The following LITAF variants were observed in gnomAD, a reference collection of about 807,000 sequenced individuals.
LITAF encodes the protein lipopolysaccharide-induced tumor necrosis factor-alpha factor.
LITAF carries 9 observed loss-of-function variants against 14.5 expected under a neutral mutation model. That is an observed-to-expected ratio of 0.62 (90% confidence interval 0.37 to 1.08). The LOEUF (loss-of-function observed/expected upper bound fraction) is 1.08, where lower values mean the gene tolerates loss of function less well. Among genes scored for constraint, LITAF ranks in the 50% least tolerant of loss-of-function variants. The pLI is 0.01. For missense variants in LITAF, 206 were observed against 213.4 expected (o/e 0.97, Z 0.22); for synonymous variants, 98 against 88.2 (o/e 1.11, Z -0.62).
chr16:11,610,768 A>G (rs992801053), intron 3 of LITAF, among the ~76,000 whole-genome samples: 2 of 152,174 alleles, frequency 1.3e-5, no homozygotes, highest in East Asian at 3.9e-4. Context: ...CATGCTTTGT[A>G]CAACTCAGAC....
At chr16:11,615,062 G>A (rs1473157204) in intron 3 of LITAF, among the ~76,000 whole-genome samples, 1 of 152,192 alleles carries the variant, frequency 6.6e-6, no homozygotes, top group Non-Finnish European at 1.5e-5. Context: ...GGTACACACT[G>A]GGAGAATGAA....
Position 11,547,893 on chromosome 16 carries a change from C to T in LITAF, c.*1744G>A, listed in dbSNP as rs566434511. ...ATTCAGCAAGTCTGAAGTTTTTAAT[C>T]GGGAAGGATTTTCTACCGTTACTGA... On this transcript the variant is annotated 3_prime_UTR_variant, in exon 4 of 4. Transcript: ENST00000622633. 4.4e-6 allele frequency: 2 copies of T among 453,932 alleles called. No homozygotes were observed. The highest frequency in any genetic ancestry group is 8.8e-6 in the Non-Finnish European group (2 of 226,792). The allele number at this position is 453,932 out of a possible 1,614,324, so 28.1% of individuals were successfully genotyped here.
chr16:11,628,868 G>T (rs978383563), intron 3 of LITAF, among the ~76,000 whole-genome samples: 1 of 152,202 alleles, frequency 6.6e-6, no homozygotes, highest in Non-Finnish European at 1.5e-5. Context: ...TAGAGATGGA[G>T]TTTCGCCATA....
At chr16:11,562,613 T>C (rs1008325283) in intron 1 of LITAF, among the ~76,000 whole-genome samples, 18 of 152,186 alleles carry the variant, frequency 1.2e-4, no homozygotes, top group African/African-American at 4.3e-4. Context: ...AAAGGTATTC[T>C]TGCCCAGGCA....
rs1252711599 is a variant in LITAF, at chr16:11,549,051, A to T, written c.*586T>A. 2.3e-6 allele frequency: 1 copy of T among 430,816 alleles called. No homozygotes were observed. The highest frequency in any genetic ancestry group is 2.5e-5 in the Admixed American group (1 of 40,588). The allele number at this position is 430,816 out of a possible 1,614,324, so 26.7% of individuals were successfully genotyped here. A position where few individuals can be genotyped will look rare whatever the true frequency, so the allele number is the denominator to read the frequency against. On this transcript the variant is annotated 3_prime_UTR_variant, in exon 4 of 4. Transcript: ENST00000622633. This position sits in a 1 kb window ranked among gnomAD's most constrained non-coding sequence, Gnocchi z 4.6. ...TGGGTGTTAATAGCCCCCTCCTTGT[A>T]TTTAAAAAAAAAATTAAGAAATTAA...
At chr16:11,610,151 G>T (rs879862321) in intron 3 of LITAF, among the ~76,000 whole-genome samples, 16 of 151,794 alleles carry the variant, frequency 1.1e-4, no homozygotes, top group Non-Finnish European at 1.5e-4. Context: ...ACTGGGTGGT[G>T]GGGGGACCCC....
rs575691293 is a variant in LITAF, at chr16:11,558,747, G to T, written c.-5-2012C>A. Among the ~76,000 whole-genome samples, 1 of 152,228 alleles carries T rather than the reference G, an allele frequency of 6.6e-6. No individual in the cohort carries two copies. Among genetic ancestry groups the T allele is most frequent in the African/African-American group, 2.4e-5 (1 of 41,550 alleles). On this transcript the variant is annotated intron_variant, in intron 1 of 3. Transcript: ENST00000622633. The surrounding 1 kb of genome is among the most constrained non-coding windows in gnomAD (Gnocchi z 4.1). ...GAAACAAAGTGGAATAGAGGCGGGG[G>T]AGTGAACGTGATAAAAAGAAAGTCA...
At chr16:11,635,034 AAAAAT>A (rs55724396) in intron 2 of LITAF, among the ~76,000 whole-genome samples, 3,923 of 141,956 alleles carry the variant, frequency 0.028, 89 homozygotes, top group Middle Eastern at 0.07. Flanking sequence ...ACTCCATCTC[AAAAAT>A]AAAATAAAAT....
chr16:11,627,933 T>C (rs919641597), intron 3 of LITAF, among the ~76,000 whole-genome samples: 1 of 149,820 alleles, frequency 6.7e-6, no homozygotes, highest in Admixed American at 6.7e-5. Flanking sequence ...AGGAAAATCA[T>C]TTGAACCCAG....
chr16:11,585,621 G>C (rs1035526416), intron 1 of LITAF, among the ~76,000 whole-genome samples: 1 of 152,140 alleles, frequency 6.6e-6, no homozygotes, highest in African/African-American at 2.4e-5. Context: ...GTCCTAAATA[G>C]GAAGTCCTAA....
chr16:11,617,836 C>T (rs1173470853), intron 3 of LITAF, among the ~76,000 whole-genome samples: 7 of 152,128 alleles, frequency 4.6e-5, no homozygotes, highest in Admixed American at 2.0e-4. Context: ...TCCTTCCCTC[C>T]GTAACCTATT....
chr16:11,618,147 G>A (rs890925268), intron 3 of LITAF, among the ~76,000 whole-genome samples: 5 of 152,150 alleles, frequency 3.3e-5, no homozygotes, highest in African/African-American at 7.2e-5. Context: ...GATTACAGGC[G>A]TGAGCCACTG....
At chr16:11,552,805 C>T (rs2141696820) in intron 3 of LITAF, among the ~76,000 whole-genome samples, 1 of 152,212 alleles carries the variant, frequency 6.6e-6, no homozygotes, top group Non-Finnish European at 1.5e-5. Context: ...ATGCACAGGA[C>T]ACCCCCTACA....
intron 3 of LITAF, among the ~76,000 whole-genome samples, chr16:11,629,963 C>G (rs543968594): frequency 6.6e-6 from 1 of 152,154 alleles, no homozygotes; most frequent in East Asian, 1.9e-4. Context: ...GATTTAACAT[C>G]AGTCGCCAGG....
At chr16:11,637,328 A>G (rs1258076582), upstream of LITAF, among the ~76,000 whole-genome samples, 2 of 152,230 alleles carry the variant, frequency 1.3e-5, no homozygotes, top group African/African-American at 2.4e-5. Context: ...CAGCCTGGGA[A>G]TGGAGCCACA....
intron 3 of LITAF, among the ~76,000 whole-genome samples, chr16:11,614,868 G>C (rs568824500): frequency 6.6e-6 from 1 of 152,370 alleles, no homozygotes; most frequent in African/African-American, 2.4e-5. Context: ...AGCTGGACCA[G>C]CTCTGTTCTA....
chr16:11,552,943 A>G (rs977818371), intron 3 of LITAF, among the ~76,000 whole-genome samples: 1 of 151,836 alleles, frequency 6.6e-6, no homozygotes, highest in South Asian at 2.1e-4. Flanking sequence ...GTGAGACCCT[A>G]TCTCTACTAA....
upstream of LITAF, among the ~76,000 whole-genome samples, chr16:11,603,382 C>T (rs905073478): frequency 6.6e-6 from 1 of 152,180 alleles, no homozygotes; most frequent in Admixed American, 6.5e-5. Context: ...AGACCAAATC[C>T]CTGCCCCAGG....
chr16:11,585,230 CAAA>C (rs35542925), intron 1 of LITAF, among the ~76,000 whole-genome samples: 5 of 90,656 alleles, frequency 5.5e-5, no homozygotes, highest in Non-Finnish European at 4.7e-5. Context: ...GACTCTGTCT[CAAA>C]AAAAAAAAAA....
Sources: allele counts gnomAD v4.1 joint callset (sites outside exome capture counted in the v4.1 genomes callset), GRCh38; gene constraint gnomAD v4.1.1; non-coding constraint Gnocchi (gnomAD v3.1); transcripts MANE v1.5; gene names NCBI Gene and HGNC (gene_info 2026-07-23, HGNC 2026-07-21).